Variants in NDUFAF2 observed in about 807,000 individuals in gnomAD.
NDUFAF2 encodes NADH:ubiquinone oxidoreductase complex assembly factor 2.
Under a neutral mutation model 22.8 loss-of-function variants are expected in NDUFAF2, and 13 were observed. That is an observed-to-expected ratio of 0.57 (90% CI 0.37 to 0.91). NDUFAF2 has a LOEUF of 0.91. Among genes scored for constraint, NDUFAF2 ranks in the 40% least tolerant of loss-of-function variants. The pLI, the probability that NDUFAF2 is intolerant of heterozygous loss-of-function variation, is 0.01. For synonymous variants in NDUFAF2, 53 were observed against 64.2 expected, an observed-to-expected ratio of 0.83 and a Z score of 0.84; for missense variants, 162 against 195.2, an observed-to-expected ratio of 0.83 and a Z score of 1.01.
chr5:61,020,199 A>G (rs1406228069), intron 1 of NDUFAF2, among the ~76,000 whole-genome samples: 1 of 152,090 alleles, frequency 6.6e-6, no homozygotes. Context: ...GTCTATAATT[A>G]TTTTCAAAGA....
At chr5:61,081,766 A>G (rs1207436447) in intron 2 of NDUFAF2, among the ~76,000 whole-genome samples, 1 of 152,242 alleles carries the variant, frequency 6.6e-6, no homozygotes, top group African/African-American at 2.4e-5. Flanking sequence ...CTTAATAGCG[A>G]AAGCAAAAAC....
At chr5:61,117,438 C>G (rs569789733) in intron 3 of NDUFAF2, among the ~76,000 whole-genome samples, 18 of 152,278 alleles carry the variant, frequency 1.2e-4, no homozygotes, top group African/African-American at 4.1e-4. Context: ...TTACTGCAGT[C>G]TTGAACTCCT....
intron 3 of NDUFAF2, among the ~76,000 whole-genome samples, chr5:61,111,392 T>C (rs978669130): frequency 6.6e-6 from 1 of 152,168 alleles, no homozygotes; most frequent in Non-Finnish European, 1.5e-5. Flanking sequence ...GGATGTTCTT[T>C]CCAGTACTTA....
chr5:61,087,552 G>T (rs1435937655), intron 2 of NDUFAF2, among the ~76,000 whole-genome samples: 3 of 152,116 alleles, frequency 2.0e-5, no homozygotes, highest in Non-Finnish European at 2.9e-5. Flanking sequence ...ATATATTTCT[G>T]ACTAGAGTGT....
At position 61,134,457 on chromosome 5, in the gene NDUFAF2, G is replaced by A. The variant is rs560730193; in HGVS notation, c.259-18247G>A. Among the ~76,000 whole-genome samples the A allele has an allele frequency of 2.1e-3, 315 of 152,286 alleles. 2 individuals are homozygous for A. The highest frequency in any genetic ancestry group is 7.2e-3 in the African/African-American group (298 of 41,550). On this transcript the variant is annotated intron_variant, in intron 3 of 3. Coordinates refer to ENST00000296597, the MANE Select transcript of NDUFAF2 (RefSeq NM_174889.5). Reference sequence around the variant, plus strand: ...TCCCAGCACTTTGGGATGCCAAGGCGGACGGGTCACGAGGTCAGGAGATCG... The same window carrying A: ...TCCCAGCACTTTGGGATGCCAAGGCAGACGGGTCACGAGGTCAGGAGATCG...
At chr5:60,988,793 C>G (rs1208004483) in intron 1 of NDUFAF2, among the ~76,000 whole-genome samples, 1 of 151,058 alleles carries the variant, frequency 6.6e-6, no homozygotes. Flanking sequence ...GAATATAACG[C>G]TGTAAATGCA....
intron 1 of NDUFAF2, among the ~76,000 whole-genome samples, chr5:61,071,764 A>G (rs1273998099): frequency 6.6e-6 from 1 of 152,168 alleles, no homozygotes; most frequent in Non-Finnish European, 1.5e-5. Flanking sequence ...CTCAGCTCAC[A>G]TTCCCTGGAG....
intron 1 of NDUFAF2, among the ~76,000 whole-genome samples, chr5:61,064,836 A>G (rs1360354287): frequency 6.6e-6 from 1 of 151,982 alleles, no homozygotes; most frequent in Non-Finnish European, 1.5e-5. Flanking sequence ...AAAAGAACAA[A>G]CTAAACCCCA....
Position 61,058,882 on chromosome 5 carries a change from G to T in NDUFAF2, c.128-14243G>T, listed in dbSNP as rs184371251. 5.1e-4 allele frequency among the ~76,000 whole-genome samples: 78 copies of T among 152,060 alleles called. No individual in the cohort carries two copies. In the Middle Eastern group the frequency reaches 0.01, roughly 20 times the overall value. Reference sequence around the variant, plus strand: ...TTCATAGTGAACACATTATTACATGGACTAAATAGTCATGCATTCATCATT... The same window carrying T: ...TTCATAGTGAACACATTATTACATGTACTAAATAGTCATGCATTCATCATT... On this transcript the variant is annotated intron_variant, in intron 1 of 3. Coordinates refer to ENST00000296597, the MANE Select transcript of NDUFAF2 (RefSeq NM_174889.5).
intron 3 of NDUFAF2, among the ~76,000 whole-genome samples, chr5:61,107,741 G>A (rs1035484244): frequency 3.2e-4 from 48 of 149,824 alleles, no homozygotes; most frequent in African/African-American, 9.5e-4. Context: ...ATGTATACAC[G>A]TGCCATGCTG....
At position 60,964,806 on chromosome 5, in the gene NDUFAF2, C is replaced by T. The variant is rs532120794; in HGVS notation, c.127+19424C>T. ...TACAATGGAACTCTTGAACTTACTC[C>T]GTCCTGTCAAAGAATGTTCATATCC... On this transcript the variant is annotated intron_variant, in intron 1 of 3. Coordinates refer to ENST00000296597, the MANE Select transcript of NDUFAF2 (RefSeq NM_174889.5). Among the ~76,000 whole-genome samples the T allele has an allele frequency of 1.2e-4, 18 of 152,212 alleles. 1 individual carries two copies. The highest frequency in any genetic ancestry group is 7.2e-4 in the Admixed American group (11 of 15,282).
intron 3 of NDUFAF2, among the ~76,000 whole-genome samples, chr5:61,104,221 G>A (rs1752734517): frequency 6.6e-6 from 1 of 152,080 alleles, no homozygotes; most frequent in Non-Finnish European, 1.5e-5. Flanking sequence ...CAGAGCTAAT[G>A]AGGTAGACTT....
intron 2 of NDUFAF2, chr5:61,083,360 G>T (rs1021160136): frequency 6.6e-6 from 1 of 151,844 alleles, no homozygotes; most frequent in African/African-American, 2.4e-5. Context: ...GTCTATATAT[G>T]GCTAGCCAGT....
chr5:60,988,102 A>G (rs1443964509), intron 1 of NDUFAF2, among the ~76,000 whole-genome samples: 1 of 152,164 alleles, frequency 6.6e-6, no homozygotes, highest in African/African-American at 2.4e-5. Flanking sequence ...TACAAAATCA[A>G]TGTACAAAAA....
In NDUFAF2 at chr5:61,147,437, C is replaced by CTTTTTTTTTTTTTTTTTTTTTTTTTTT. The variant is rs1240336890; in HGVS notation, c.259-5250_259-5249insTTTTTTTTTTTTTTTTTTTTTTTTTTT. On this transcript the variant is annotated intron_variant, in intron 3 of 3. Coordinates refer to ENST00000296597, the MANE Select transcript of NDUFAF2 (RefSeq NM_174889.5). ...CTAATTTTTGTATTTTTTTTTCTTT[C>CTTTTTTTTTTTTTTTTTTTTTTTTTTT]TTTTTTTTTTTTTTTTTGTAGCAAC... Among the ~76,000 whole-genome samples the CTTTTTTTTTTTTTTTTTTTTTTTTTTT allele has an allele frequency of 1.8e-4, 15 of 84,726 alleles. 1 individual carries two copies. The highest frequency in any genetic ancestry group is 5.2e-4 in the South Asian group (1 of 1,918). 55.6% of individuals were successfully genotyped at this position (84,726 alleles called of 152,430 possible). A position where few individuals can be genotyped will look rare whatever the true frequency, so the allele number is the denominator to read the frequency against.
chr5:61,116,590 C>T (rs372545060), intron 3 of NDUFAF2: 4 of 152,118 alleles, frequency 2.6e-5, no homozygotes, highest in African/African-American at 4.8e-5. Context: ...AGAGAAGTAA[C>T]GGTGCTTTCA....
At chr5:60,972,471 A>G (rs979698635) in intron 1 of NDUFAF2, among the ~76,000 whole-genome samples, 6 of 152,036 alleles carry the variant, frequency 3.9e-5, no homozygotes, top group Non-Finnish European at 7.4e-5. Flanking sequence ...CTCACCACTC[A>G]TTCTCTCTCT....
In NDUFAF2 at chr5:61,112,744, A is replaced by G. The variant is rs112376545; in HGVS notation, c.258+13712A>G. 8.7e-3 allele frequency among the ~76,000 whole-genome samples: 1,328 copies of G among 152,142 alleles called. 22 individuals carry two copies. Among genetic ancestry groups the G allele is most frequent in the African/African-American group, 0.031 (1,272 of 41,522 alleles). ...TTAATAGAGAATTCATGCTATTTAC[A>G]TTTAATGTTTTTATTGATAAGGACT... On this transcript the variant is annotated intron_variant, in intron 3 of 3. Transcript: ENST00000296597.
At chr5:60,965,881 C>A (rs1450228292) in intron 1 of NDUFAF2, among the ~76,000 whole-genome samples, 1 of 152,066 alleles carries the variant, frequency 6.6e-6, no homozygotes, top group Non-Finnish European at 1.5e-5. Context: ...TGGATATATA[C>A]CCAGTAGTGG....
Sources: allele counts gnomAD v4.1 joint callset (sites outside exome capture counted in the v4.1 genomes callset), GRCh38; gene constraint gnomAD v4.1.1; transcripts MANE v1.5; gene names NCBI Gene and HGNC (gene_info 2026-07-23, HGNC 2026-07-21).